Variants in SBF2 observed in about 807,000 individuals in gnomAD.
SBF2 encodes the protein myotubularin-related protein 13.
A neutral mutation model predicts 225.2 loss-of-function variants in SBF2; 112 were observed. The observed-to-expected ratio is 0.50, with a 90% CI of 0.43 to 0.58. SBF2 has a LOEUF of 0.58. Among genes scored for constraint, SBF2 ranks in the 20% least tolerant of loss-of-function variants. SBF2 has a pLI of 0.00. For missense variants in SBF2, 1,996 were observed against 2,206.2 expected, an observed-to-expected ratio of 0.90 and a Z score of 1.91; for synonymous variants, 763 against 773.3, an observed-to-expected ratio of 0.99 and a Z score of 0.22.
chr11:9,890,999 G>A (rs1341930190), intron 17 of SBF2, among the ~76,000 whole-genome samples: 1 of 152,152 alleles, frequency 6.6e-6, no homozygotes, highest in Non-Finnish European at 1.5e-5. Flanking sequence ...AGCCGGGCGT[G>A]GTGGTGGGCA....
At chr11:9,956,905 G>A (rs977851506) in intron 16 of SBF2, 2 of 152,192 alleles carry the variant, frequency 1.3e-5, no homozygotes, top group African/African-American at 4.8e-5. Context: ...CTCTAGCCCT[G>A]TCCCCATATC....
intron 24 of SBF2, 144 bp from the exon 25 acceptor site, chr11:9,842,914 G>T: frequency 1.3e-6 from 1 of 743,794 alleles, no homozygotes; most frequent in Non-Finnish European, 2.2e-6. Context: ...TCCTTCTTTA[G>T]GTTACTTTTA....
chr11:10,019,974 T>C (rs762800208), intron 6 of SBF2, among the ~76,000 whole-genome samples: 2 of 152,172 alleles, frequency 1.3e-5, no homozygotes, highest in Non-Finnish European at 2.9e-5. Context: ...CTACAAATGT[T>C]CTTATTGTTA....
Position 9,861,190 on chromosome 11 carries a change from T to A in SBF2, c.1930-2794A>T, listed in dbSNP as rs374480466. ...CCAGCCCACTACAAGTTTAGAATTT[T>A]GGAGCATTTTGAATTTTCTTTCTTC... On this transcript the variant is annotated intron_variant, in intron 17 of 39. Transcript: ENST00000256190. 1.2e-4 allele frequency among the ~76,000 whole-genome samples: 18 copies of A among 152,302 alleles called. No homozygotes were observed. In the East Asian group the frequency reaches 3.3e-3, roughly 28 times the overall value.
At chr11:10,285,205 C>G (rs567636363) in intron 1 of SBF2, among the ~76,000 whole-genome samples, 33 of 151,900 alleles carry the variant, frequency 2.2e-4, no homozygotes, top group African/African-American at 8.0e-4. Flanking sequence ...AGCTACTCGG[C>G]AGGCTGAGGT....
chr11:9,953,144 A>G (rs1223118960), intron 16 of SBF2, among the ~76,000 whole-genome samples: 3 of 152,234 alleles, frequency 2.0e-5, no homozygotes, highest in Non-Finnish European at 4.4e-5. Flanking sequence ...ATGAGTGGAT[A>G]AAGAAACTGT....
intron 2 of SBF2, among the ~76,000 whole-genome samples, chr11:10,133,627 C>G (rs7123467): frequency 0.11 from 16,120 of 146,704 alleles, 1,342 homozygotes; most frequent in Non-Finnish European, 0.12. Context: ...CCACGCCCAC[C>G]CGGAACTCCA....
chr11:10,033,248 C>T (rs1949324549), intron 3 of SBF2, among the ~76,000 whole-genome samples: 1 of 152,070 alleles, frequency 6.6e-6, no homozygotes. Flanking sequence ...AGAGATAAAG[C>T]TATCCACATT....
At chr11:10,175,138 C>T (rs1243476703) in intron 2 of SBF2, among the ~76,000 whole-genome samples, 3 of 149,732 alleles carry the variant, frequency 2.0e-5, no homozygotes, top group African/African-American at 4.9e-5. Context: ...ATCATAATGA[C>T]AGGATCAAAT....
At chr11:10,252,758 TTGC>T (rs1565402926) in intron 1 of SBF2, among the ~76,000 whole-genome samples, 3 of 151,122 alleles carry the variant, frequency 2.0e-5, no homozygotes, top group Non-Finnish European at 4.4e-5. Flanking sequence ...TGCAGCGAGC[TTGC>T]AGCGAGCTGA....
chr11:10,171,223 T>C (rs984660475), intron 2 of SBF2, among the ~76,000 whole-genome samples: 2 of 152,152 alleles, frequency 1.3e-5, no homozygotes, highest in East Asian at 1.9e-4. Flanking sequence ...TTCTAGATAT[T>C]AGAGGAAAGG....
chr11:9,967,117 A>T (rs1409824475), intron 14 of SBF2, among the ~76,000 whole-genome samples: 1 of 152,224 alleles, frequency 6.6e-6, no homozygotes, highest in Admixed American at 6.5e-5. Context: ...CACGCCTGTA[A>T]TCCCAGGACT....
chr11:10,243,036 C>T (rs1468873127), intron 1 of SBF2, among the ~76,000 whole-genome samples: 1 of 152,086 alleles, frequency 6.6e-6, no homozygotes, highest in East Asian at 1.9e-4. Flanking sequence ...CACACAGTGT[C>T]CTCAAGTGCA....
At chr11:9,863,864 T>C (rs547781244) in intron 17 of SBF2, among the ~76,000 whole-genome samples, 2 of 152,230 alleles carry the variant, frequency 1.3e-5, no homozygotes, top group East Asian at 3.9e-4. Context: ...ATGAATTACA[T>C]ATTATCATTC....
intron 1 of SBF2, among the ~76,000 whole-genome samples, chr11:10,231,368 G>A (rs1377769525): frequency 6.6e-6 from 1 of 152,180 alleles, no homozygotes; most frequent in Admixed American, 6.6e-5. Context: ...CGTTCCTTTG[G>A]AGGAGGAGAA....
At chr11:10,033,863 T>C (rs1225058504) in intron 3 of SBF2, among the ~76,000 whole-genome samples, 1 of 152,160 alleles carries the variant, frequency 6.6e-6, no homozygotes, top group Non-Finnish European at 1.5e-5. Flanking sequence ...CTAGTTTTAT[T>C]TGGTGTGTGT....
chr11:9,980,985 A>T (rs559497157), intron 13 of SBF2, among the ~76,000 whole-genome samples: 1 of 152,352 alleles, frequency 6.6e-6, no homozygotes, highest in South Asian at 2.1e-4. Flanking sequence ...TTATTCCCTC[A>T]AAGAAAGATC....
rs1412687292 is a variant in SBF2 at position 10,294,063 on chromosome 11, G to A, written c.7C>T (p.Arg3Trp). 9 of 1,385,468 alleles carry A rather than the reference G, an allele frequency of 6.5e-6. No homozygotes were observed. The highest frequency in any genetic ancestry group is 8.4e-6 in the Non-Finnish European group (9 of 1,065,490). 85.8% of individuals were successfully genotyped at this position (1,385,468 alleles called of 1,614,324 possible). A position where few individuals can be genotyped will look rare whatever the true frequency, so the allele number is the denominator to read the frequency against. Reference protein sequence around the residue: MARLADYFIVVGY... With the variant: MAWLADYFIVVGY... ...ACCACGATGAAGTAGTCAGCCAGCC[G>A]GGCCATGGCCGCCGCCGCCGCGCTC... Residue 3 changes from arginine (R) to tryptophan (W), a missense_variant, in exon 1 of 40, where the codon CGG becomes TGG. Coordinates refer to ENST00000256190, the MANE Select transcript of SBF2 (RefSeq NM_030962.4).
intron 16 of SBF2, among the ~76,000 whole-genome samples, chr11:9,919,845 C>T (rs546210108): frequency 1.3e-5 from 2 of 152,214 alleles, no homozygotes; most frequent in East Asian, 3.9e-4. Flanking sequence ...AATTCTCCTG[C>T]CTCAGCCTCT....
Sources: allele counts gnomAD v4.1 joint callset (sites outside exome capture counted in the v4.1 genomes callset), GRCh38; gene constraint gnomAD v4.1.1; transcripts MANE v1.5; gene names NCBI Gene and HGNC (gene_info 2026-07-23, HGNC 2026-07-21).